Variants in STARD13 observed in about 807,000 individuals in gnomAD.
STARD13 encodes stAR-related lipid transfer protein 13.
A neutral mutation model predicts 106.4 loss-of-function variants in STARD13; 62 were observed. That is an observed-to-expected ratio of 0.58 (90% CI 0.48 to 0.72). The LOEUF (loss-of-function observed/expected upper bound fraction) is 0.72. STARD13 is among the 30% of genes least tolerant of loss of function. The probability of loss-of-function intolerance (pLI) is 0.00; values close to 1 mark genes in which losing one functional copy is unlikely to be tolerated. For synonymous variants in STARD13, 565 were observed against 553.0 expected (o/e 1.02, Z -0.31); for missense variants, 1,387 against 1,424.0 (o/e 0.97, Z 0.42).
chr13:33,151,033 C>T (rs887640267), intron 3 of STARD13, among the ~76,000 whole-genome samples: 6 of 152,136 alleles, frequency 3.9e-5, no homozygotes, highest in African/African-American at 1.2e-4. Context: ...AAGCTACTCA[C>T]TTTCTGAGAG....
chr13:33,650,450 A>G, the STARD13 span, among the ~76,000 whole-genome samples: 1 of 151,898 alleles, frequency 6.6e-6, no homozygotes, highest in East Asian at 1.9e-4. Context: ...TCGGCCTCCC[A>G]AAGTGCTGGG....
chr13:33,282,978 T>A (rs1463697072), intron 1 of STARD13, among the ~76,000 whole-genome samples: 1 of 152,126 alleles, frequency 6.6e-6, no homozygotes, highest in Non-Finnish European at 1.5e-5. Context: ...TACAGTGAAC[T>A]ATGATCACAC....
chr13:33,641,134 C>A, the STARD13 span, among the ~76,000 whole-genome samples: 1 of 152,218 alleles, frequency 6.6e-6, no homozygotes, highest in African/African-American at 2.4e-5. Context: ...TCCTGCTTGG[C>A]CTCTATGAGC....
chr13:33,341,407 G>C (rs1162933390), intron 1 of STARD13, among the ~76,000 whole-genome samples: 2 of 152,088 alleles, frequency 1.3e-5, no homozygotes, highest in African/African-American at 4.8e-5. Context: ...GAGAGGCCGA[G>C]GTGGGCGGAT....
At chr13:33,329,508 G>T (rs529674590) in intron 1 of STARD13, among the ~76,000 whole-genome samples, 3 of 151,892 alleles carry the variant, frequency 2.0e-5, no homozygotes, top group African/African-American at 7.3e-5. Flanking sequence ...TAGATTCTAC[G>T]TAAAAGGGAG....
the STARD13 span, among the ~76,000 whole-genome samples, chr13:33,550,339 A>G: frequency 1.9e-3 from 297 of 152,356 alleles, no homozygotes; most frequent in African/African-American, 6.9e-3. Flanking sequence ...TTTGTCTATC[A>G]TAGCAAGGTT....
chr13:33,201,830 T>C (rs2138096715), intron 1 of STARD13, among the ~76,000 whole-genome samples: 1 of 152,342 alleles, frequency 6.6e-6, no homozygotes. Context: ...TCCTTGATTC[T>C]GTGTAAAGAA....
chr13:33,527,995 T>A, the STARD13 span, among the ~76,000 whole-genome samples: 1 of 150,920 alleles, frequency 6.6e-6, no homozygotes, highest in Non-Finnish European at 1.5e-5. Context: ...ATAAATGAAA[T>A]TGGCTGAATG....
the STARD13 span, among the ~76,000 whole-genome samples, chr13:33,654,437 G>T: frequency 1.3e-5 from 2 of 152,038 alleles, no homozygotes; most frequent in Non-Finnish European, 2.9e-5. Flanking sequence ...GAGACAGAAA[G>T]TAGATTAGTG....
the STARD13 span, among the ~76,000 whole-genome samples, chr13:33,448,034 A>T: frequency 6.6e-6 from 1 of 152,170 alleles, no homozygotes; most frequent in African/African-American, 2.4e-5. Context: ...TTCTTCTTTA[A>T]ACTAAATTAT....
intron 1 of STARD13, among the ~76,000 whole-genome samples, chr13:33,343,053 A>G (rs989676836): frequency 6.6e-6 from 1 of 152,150 alleles, no homozygotes; most frequent in Non-Finnish European, 1.5e-5. Flanking sequence ...TTTCCTACAA[A>G]GCCGATACTT....
At chr13:33,356,416 T>C in the STARD13 span, among the ~76,000 whole-genome samples, 3 of 152,178 alleles carry the variant, frequency 2.0e-5, no homozygotes, top group Non-Finnish European at 4.4e-5. Flanking sequence ...GAACACATCA[T>C]CTGAAGAGCA....
intron 1 of STARD13, among the ~76,000 whole-genome samples, chr13:33,302,836 CTAAAG>C (rs1454361374): frequency 2.6e-5 from 4 of 152,178 alleles, no homozygotes; most frequent in Admixed American, 6.5e-5. Flanking sequence ...GATTAATCTC[CTAAAG>C]TATAGTTCTG....
intron 1 of STARD13, among the ~76,000 whole-genome samples, chr13:33,321,832 T>C (rs1028567776): frequency 2.0e-5 from 3 of 152,226 alleles, no homozygotes; most frequent in Non-Finnish European, 2.9e-5. Context: ...TCCTTGCTCA[T>C]AGGAGTTTTT....
At chr13:33,329,279 G>A (rs554525142) in intron 1 of STARD13, among the ~76,000 whole-genome samples, 1 of 152,096 alleles carries the variant, frequency 6.6e-6, no homozygotes, top group Admixed American at 6.6e-5. Flanking sequence ...TGACAATTTA[G>A]TTTTTATGAC....
At chr13:33,255,797 T>C (rs1354606460) in intron 1 of STARD13, among the ~76,000 whole-genome samples, 1 of 152,144 alleles carries the variant, frequency 6.6e-6, no homozygotes, top group Non-Finnish European at 1.5e-5. Flanking sequence ...CTTGCAACTG[T>C]GCAGGGAAGA....
chr13:33,262,101 A>C (rs891148828), intron 1 of STARD13, among the ~76,000 whole-genome samples: 7 of 152,228 alleles, frequency 4.6e-5, no homozygotes, highest in Non-Finnish European at 1.0e-4. Flanking sequence ...GGGCAAAGCC[A>C]AGTCTTTCAC....
At chr13:33,643,252 C>T in the STARD13 span, among the ~76,000 whole-genome samples, 2 of 151,968 alleles carry the variant, frequency 1.3e-5, no homozygotes, top group African/African-American at 4.8e-5. Flanking sequence ...TCTGGTTCCT[C>T]CTGCAGAAAT....
chr13:33,437,277 C>A, the STARD13 span, among the ~76,000 whole-genome samples: 3 of 152,142 alleles, frequency 2.0e-5, no homozygotes, highest in Non-Finnish European at 4.4e-5. Flanking sequence ...CACGTGTACC[C>A]CCTGCTTGCT....
Sources: allele counts gnomAD v4.1 joint callset (sites outside exome capture counted in the v4.1 genomes callset), GRCh38; gene constraint gnomAD v4.1.1; transcripts MANE v1.5; gene names NCBI Gene and HGNC (gene_info 2026-07-23, HGNC 2026-07-21).